RNF38: variants seen among roughly 807,000 people sequenced by gnomAD.
RNF38 encodes the protein ring finger protein 38.
RNF38 carries 15 observed loss-of-function variants against 67.2 expected under a neutral mutation model. The observed-to-expected ratio is 0.22, with a 90% CI of 0.15 to 0.34. RNF38 has a LOEUF of 0.34. Ranked by LOEUF, RNF38 falls within the 10% of genes least tolerant of loss-of-function variation. The pLI is 1.00. For missense variants in RNF38, 524 were observed against 639.9 expected (o/e 0.82, Z 1.95); for synonymous variants, 220 against 218.8 (o/e 1.01, Z -0.05).
chr9:36,402,220 A>G (rs1838061889), upstream of RNF38, among the ~76,000 whole-genome samples: 1 of 152,190 alleles, frequency 6.6e-6, no homozygotes, highest in Admixed American at 6.5e-5. Flanking sequence ...GGAAAGAGGT[A>G]TTAGGTCCCT....
intron 1 of RNF38, among the ~76,000 whole-genome samples, chr9:36,437,423 T>C (rs751692685): frequency 6.6e-6 from 1 of 152,218 alleles, no homozygotes; most frequent in Non-Finnish European, 1.5e-5. Flanking sequence ...TCCCACATCA[T>C]TGGTTGTAAA....
chr9:36,372,517 A>G (rs1266029072), intron 3 of RNF38: 1 of 714,660 alleles, frequency 1.4e-6, no homozygotes, highest in South Asian at 1.5e-5. Flanking sequence ...AAATCCTGCT[A>G]GATTATTGTT....
At chr9:36,369,287 C>T (rs1252849799) in intron 4 of RNF38, among the ~76,000 whole-genome samples, 1 of 152,164 alleles carries the variant, frequency 6.6e-6, no homozygotes, top group African/African-American at 2.4e-5. Context: ...CCACCCAGTG[C>T]AGTGGTGCGA....
chr9:36,424,498 A>G (rs954417233), intron 2 of RNF38: 4 of 263,394 alleles, frequency 1.5e-5, no homozygotes, highest in African/African-American at 4.6e-5. Flanking sequence ...CATCTCAACA[A>G]TGTGTCCCCA....
chr9:36,341,866 A>ATATATATAT (rs1832873436), intron 11 of RNF38, among the ~76,000 whole-genome samples: 1 of 2,600 alleles, frequency 3.8e-4, no homozygotes, highest in African/African-American at 7.6e-4. Context: ...ATATATATAT[A>ATATATATAT]AAGAAGCCCC....
chr9:36,458,064 T>C (rs376060241), intron 1 of RNF38, among the ~76,000 whole-genome samples: 1 of 152,202 alleles, frequency 6.6e-6, no homozygotes, highest in Non-Finnish European at 1.5e-5. Context: ...CCATTGATGG[T>C]TGCAGAACAC....
At chr9:36,393,244 T>C (rs574580685) in intron 1 of RNF38, among the ~76,000 whole-genome samples, 55 of 152,310 alleles carry the variant, frequency 3.6e-4, no homozygotes, top group African/African-American at 9.1e-4. Context: ...ATCTTGGTCA[T>C]AGACAAATGA....
chr9:36,430,780 C>T (rs1838912960), intron 1 of RNF38, among the ~76,000 whole-genome samples: 1 of 151,626 alleles, frequency 6.6e-6, no homozygotes, highest in South Asian at 2.1e-4. Flanking sequence ...CCTTATTCTT[C>T]TTGAGGAGAG....
chr9:36,484,642 G>C (rs1840358935), intron 1 of RNF38, among the ~76,000 whole-genome samples: 1 of 151,926 alleles, frequency 6.6e-6, no homozygotes, highest in African/African-American at 2.4e-5. Flanking sequence ...TCTTCCCAAA[G>C]ACAATCATTA....
At chr9:36,428,275 G>T (rs183070396) in intron 1 of RNF38, among the ~76,000 whole-genome samples, 3 of 151,858 alleles carry the variant, frequency 2.0e-5, no homozygotes, top group African/African-American at 7.2e-5. Context: ...AATTAGCTGG[G>T]CATGGTGGCA....
intron 4 of RNF38, among the ~76,000 whole-genome samples, chr9:36,362,297 G>A (rs1225712001): frequency 6.6e-6 from 1 of 151,850 alleles, no homozygotes; most frequent in Admixed American, 6.6e-5. Context: ...GGCGGAGGTT[G>A]CAGTGAGCCA....
At chr9:36,417,597 C>T (rs1383890327) in intron 2 of RNF38, among the ~76,000 whole-genome samples, 1 of 152,002 alleles carries the variant, frequency 6.6e-6, no homozygotes, top group Non-Finnish European at 1.5e-5. Flanking sequence ...ATACAAACTC[C>T]ACTTCTGGGT....
intron 9 of RNF38, among the ~76,000 whole-genome samples, chr9:36,345,467 T>C (rs193266991): frequency 1.3e-5 from 2 of 152,302 alleles, no homozygotes; most frequent in Admixed American, 6.5e-5. Context: ...ACAGGATGTT[T>C]TGCAGCATTC....
Position 36,369,797 on chromosome 9 carries a change from C to T in RNF38, c.492G>A (p.Pro164=), listed in dbSNP as rs372678345. Residue 164 remains proline, a synonymous_variant, in exon 4 of 12, where the codon CCG becomes CCA. Transcript: ENST00000259605. ...GATGTAGCAGACGGGGAGATACATT[C>T]GGAGGGTGGAAGGCTCGAGGCTCCT... ...AIEEPRAFHP[P]NVSPRLLHPA... The T allele has an allele frequency of 1.9e-5, 30 of 1,613,798 alleles. No individual in the cohort carries two copies. The East Asian group carries it at 2.2e-4, about 12-fold the overall frequency.
chr9:36,401,729 G>C (rs1838042125), upstream of RNF38, among the ~76,000 whole-genome samples: 1 of 152,226 alleles, frequency 6.6e-6, no homozygotes, highest in South Asian at 2.1e-4. Context: ...GACTTAAGGA[G>C]AGAGGGCAGT....
intron 4 of RNF38, among the ~76,000 whole-genome samples, chr9:36,369,271 G>T (rs1054035875): frequency 1.3e-5 from 2 of 151,950 alleles, no homozygotes; most frequent in Non-Finnish European, 2.9e-5. Flanking sequence ...ACGAAGTCTC[G>T]TTCTGCCACC....
chr9:36,399,275 T>C (rs1346328407), intron 1 of RNF38, among the ~76,000 whole-genome samples: 1 of 152,154 alleles, frequency 6.6e-6, no homozygotes, highest in African/African-American at 2.4e-5. Context: ...AACCCACAGA[T>C]TATTTAAGTC....
At chr9:36,339,917 C>T in intron 11 of RNF38, 103 bp from the exon 12 acceptor site, 2 of 1,049,338 alleles carry the variant, frequency 1.9e-6, no homozygotes, top group Non-Finnish European at 2.9e-6. Context: ...TACATTCTTT[C>T]TTCCTCTGAA....
At chr9:36,457,749 TAAAC>T (rs917294785) in intron 1 of RNF38, among the ~76,000 whole-genome samples, 11 of 151,288 alleles carry the variant, frequency 7.3e-5, no homozygotes, top group Admixed American at 7.3e-4. Flanking sequence ...CTCTACTAAA[TAAAC>T]AAAAATTAAC....
Sources: allele counts gnomAD v4.1 joint callset (sites outside exome capture counted in the v4.1 genomes callset), GRCh38; gene constraint gnomAD v4.1.1; transcripts MANE v1.5; gene names NCBI Gene and HGNC (gene_info 2026-07-23, HGNC 2026-07-21).